IL26: variants seen among roughly 807,000 people sequenced by gnomAD.
IL26 encodes the protein interleukin 26, also known as interleukin-26.
A neutral mutation model predicts 21.7 loss-of-function variants in IL26; 23 were observed. That is an observed-to-expected ratio of 1.06 (90% CI 0.76 to 1.50). IL26 has a LOEUF of 1.50. IL26 is among the 40% of genes most tolerant of loss of function. IL26 has a pLI of 0.00. For synonymous variants in IL26, 63 were observed against 67.8 expected, an observed-to-expected ratio of 0.93 and a Z score of 0.34; for missense variants, 204 against 196.0, an observed-to-expected ratio of 1.04 and a Z score of -0.24.
At chr12:68,217,850 TAC>T (rs991152079) in intron 3 of IL26, among the ~76,000 whole-genome samples, 2 of 152,020 alleles carry the variant, frequency 1.3e-5, no homozygotes, top group Non-Finnish European at 2.9e-5. Flanking sequence ...AGTCAGAAAA[TAC>T]AGACTATGAG....
Position 68,201,929 on chromosome 12 carries a change from A to C in IL26, c.432T>G (p.Ile144Met). Residue 144 changes from isoleucine (I) to methionine (M), a missense_variant and splice_region_variant, in exon 5 of 5, where the codon ATT (isoleucine) becomes ATG (methionine). Coordinates refer to ENST00000229134, the MANE Select transcript of IL26 (RefSeq NM_018402.2). ...TGGCTTTGTAGATTCCTTTGTTTCCAATCTGCAGATAAAGTACAGATATAA... is the reference window on the plus strand; with the variant it reads ...TGGCTTTGTAGATTCCTTTGTTTCCCATCTGCAGATAAAGTACAGATATAA... Reference protein sequence around the residue: ...ITRMKRIFYRIGNKGIYKAIS... With the variant: ...ITRMKRIFYRMGNKGIYKAIS... 1 of 1,596,158 alleles carries C rather than the reference A, an allele frequency of 6.3e-7. No individual in the cohort carries two copies. The highest frequency in any genetic ancestry group is 1.2e-5 in the South Asian group (1 of 86,580).
At chr12:68,204,289 G>A (rs1487834629) in intron 3 of IL26, among the ~76,000 whole-genome samples, 1 of 151,706 alleles carries the variant, frequency 6.6e-6, no homozygotes, top group African/African-American at 2.4e-5. Context: ...GAATACAGGC[G>A]CCCTCCACCA....
chr12:68,204,408 G>A (rs1359815912), intron 3 of IL26, among the ~76,000 whole-genome samples: 1 of 152,132 alleles, frequency 6.6e-6, no homozygotes, highest in African/African-American at 2.4e-5. Flanking sequence ...CTCCCAAAGT[G>A]CTGGGATTAC....
intron 3 of IL26, among the ~76,000 whole-genome samples, chr12:68,223,559 G>C (rs1397734284): frequency 6.6e-6 from 1 of 152,144 alleles, no homozygotes; most frequent in Non-Finnish European, 1.5e-5. Flanking sequence ...ACATGGATTT[G>C]GGGGTTCTGA....
intron 3 of IL26, among the ~76,000 whole-genome samples, chr12:68,208,281 A>T (rs1270418725): frequency 6.6e-6 from 1 of 152,226 alleles, no homozygotes. Context: ...AGAAGAGATG[A>T]GTAGGCAGGG....
intron 3 of IL26, among the ~76,000 whole-genome samples, chr12:68,204,779 G>A (rs1244342015): frequency 6.6e-6 from 1 of 152,108 alleles, no homozygotes; most frequent in East Asian, 1.9e-4. Flanking sequence ...CTTACTACGA[G>A]TGACCCCTAG....
Position 68,224,040 on chromosome 12 carries a change from C to T in IL26, c.363+1109G>A, listed in dbSNP as rs767852618. Among the ~76,000 whole-genome samples the T allele has an allele frequency of 1.8e-4, 4 of 22,174 alleles. No individual in the cohort carries two copies. The South Asian group carries it at 3.7e-3, about 21-fold the overall frequency. The allele number at this position is 22,174 out of a possible 152,430, so 14.5% of individuals were successfully genotyped here. A position where few individuals can be genotyped will look rare whatever the true frequency, so the allele number is the denominator to read the frequency against. On this transcript the variant is annotated intron_variant, in intron 3 of 4. Coordinates refer to ENST00000229134, the MANE Select transcript of IL26 (RefSeq NM_018402.2). ...CATCTTAACTCTTAAAAAATAAACA[C>T]CCCCCCCCTCTAATGGCCCAGTGTT...
chr12:68,217,272 T>C (rs1868911781), intron 3 of IL26, among the ~76,000 whole-genome samples: 1 of 152,232 alleles, frequency 6.6e-6, no homozygotes, highest in Non-Finnish European at 1.5e-5. Context: ...CATGCTGTTT[T>C]ATCTTAAGAG....
rs146640352 is a variant in IL26, at chr12:68,225,267, T to C, written c.245A>G (p.Gln82Arg). 3.6e-5 allele frequency: 57 copies of C among 1,602,730 alleles called. No homozygotes were observed. The African/African-American group carries it at 6.2e-4, about 17-fold the overall frequency. The change falls in exon 3 of 5, where the codon CAA (glutamine) becomes CGA (arginine). Residue 82 changes from glutamine (Q) to arginine (R), a missense_variant. Gln to Arg is a conservative substitution (Grantham distance 43, BLOSUM62 1). Coordinates refer to ENST00000229134, the MANE Select transcript of IL26 (RefSeq NM_018402.2). ...CATGAAGAAGGACAGAAGCTGTTCT[T>C]GAAATTGACAGTTTTTCTAAAAATA... ...KKQFMKNCQF[Q>R]EQLLSFFMED...
At chr12:68,209,763 T>G (rs11571039) in intron 3 of IL26, among the ~76,000 whole-genome samples, 1 of 152,054 alleles carries the variant, frequency 6.6e-6, no homozygotes, top group Non-Finnish European at 1.5e-5. Flanking sequence ...ACCAATAATT[T>G]GAGGAAAGGA....
chr12:68,216,627 A>G (rs1457422837), intron 3 of IL26, among the ~76,000 whole-genome samples: 1 of 152,190 alleles, frequency 6.6e-6, no homozygotes, highest in East Asian at 1.9e-4. Flanking sequence ...ACCAGTTGCA[A>G]TTTTTACAAT....
intron 3 of IL26, among the ~76,000 whole-genome samples, chr12:68,215,974 A>G (rs1868866382): frequency 6.8e-6 from 1 of 147,864 alleles, no homozygotes; most frequent in African/African-American, 2.5e-5. Flanking sequence ...ATGAGCCACC[A>G]TGCTCAGCCT....
intron 3 of IL26, among the ~76,000 whole-genome samples, chr12:68,217,559 AT>A (rs1868920421): frequency 6.6e-6 from 1 of 152,182 alleles, no homozygotes; most frequent in Non-Finnish European, 1.5e-5. Flanking sequence ...GATTCTATTT[AT>A]TGAATTATCC....
At chr12:68,219,080 A>C (rs1387609386) in intron 3 of IL26, among the ~76,000 whole-genome samples, 1 of 152,070 alleles carries the variant, frequency 6.6e-6, no homozygotes, top group Non-Finnish European at 1.5e-5. Flanking sequence ...TTCAAGAAGC[A>C]ACAGAAGTTC....
chr12:68,223,238 G>C (rs1869111736), intron 3 of IL26, among the ~76,000 whole-genome samples: 1 of 152,178 alleles, frequency 6.6e-6, no homozygotes, highest in Non-Finnish European at 1.5e-5. Context: ...CTTGAGGTGG[G>C]AGCAGGGAAG....
intron 3 of IL26, among the ~76,000 whole-genome samples, chr12:68,213,412 T>C (rs1472850729): frequency 1.3e-5 from 2 of 152,122 alleles, no homozygotes; most frequent in African/African-American, 4.8e-5. Context: ...GGAAATATGC[T>C]CTTCTCTTTA....
At chr12:68,219,374 A>G (rs923098366) in intron 3 of IL26, among the ~76,000 whole-genome samples, 5 of 152,008 alleles carry the variant, frequency 3.3e-5, no homozygotes, top group Non-Finnish European at 5.9e-5. Context: ...TCAAAATTAG[A>G]AAAGTATCTA....
chr12:68,203,408 G>A lies in IL26; in HGVS notation c.364-1325C>T, dbSNP rs11571059. On this transcript the variant is annotated intron_variant, in intron 3 of 4. Coordinates refer to ENST00000229134, the MANE Select transcript of IL26 (RefSeq NM_018402.2). ...ATAGACCAAGGAGATTGAATAAGCC[G>A]ATTGTTTGCACTTTGCAGAAAGGGA... Among the ~76,000 whole-genome samples the A allele has an allele frequency of 3.2e-3, 488 of 152,318 alleles. 4 individuals are homozygous for A. Among genetic ancestry groups the A allele is most frequent in the African/African-American group, 0.011 (437 of 41,574 alleles).
At chr12:68,202,729 A>G (rs549996354) in intron 3 of IL26, among the ~76,000 whole-genome samples, 1 of 152,278 alleles carries the variant, frequency 6.6e-6, no homozygotes, top group Admixed American at 6.5e-5. Context: ...ACAATTCAAG[A>G]TGAGATTTGG....
Sources: gnomAD v4.1 joint callset for allele counts (sites outside exome capture counted in the v4.1 genomes callset) on GRCh38, gnomAD v4.1.1 for gene constraint, MANE v1.5 for transcripts, NCBI Gene and HGNC (gene_info 2026-07-23, HGNC 2026-07-21) for gene names.